The following MID1 variants were observed in gnomAD, a reference collection of about 807,000 sequenced individuals.
MID1 encodes E3 ubiquitin-protein ligase Midline-1.
A neutral mutation model predicts 40.4 loss-of-function variants in MID1; 7 were observed. The ratio of observed to expected loss-of-function variants is 0.17; its 90% confidence interval spans 0.10 to 0.33. The LOEUF (loss-of-function observed/expected upper bound fraction) is 0.33. Among genes scored for constraint, MID1 ranks in the 10% least tolerant of loss-of-function variants. The pLI is 1.00. For missense variants in MID1, 367 were observed against 558.5 expected, an observed-to-expected ratio of 0.66 and a Z score of 3.46; for synonymous variants, 229 against 221.2, an observed-to-expected ratio of 1.04 and a Z score of -0.31.
At chrX:10,652,727 G>A (rs1284127848) in intron 1 of MID1, among the ~76,000 whole-genome samples, 2 of 111,448 alleles carry the variant, frequency 1.8e-5, no homozygotes, top group Admixed American at 9.6e-5. Flanking sequence ...CTGAGGCCCC[G>A]TCAGTTCTTC....
At chrX:10,626,710 A>G (rs1206583896) in intron 1 of MID1, among the ~76,000 whole-genome samples, 1 of 111,649 alleles carries the variant, frequency 9.0e-6, no homozygotes, top group African/African-American at 3.3e-5. Flanking sequence ...AGATAGAAGG[A>G]TCTTGGATTT....
intron 7 of MID1, among the ~76,000 whole-genome samples, chrX:10,462,471 A>ATCTC (rs1294730925): frequency 9.0e-6 from 1 of 111,459 alleles, no homozygotes; most frequent in Non-Finnish European, 1.9e-5. Flanking sequence ...GGCTTTATTC[A>ATCTC]TCTCTTTATG....
chrX:10,553,241 C>CT (rs1339753510), intron 2 of MID1, among the ~76,000 whole-genome samples: 1 of 100,255 alleles, frequency 1.0e-5, no homozygotes, highest in African/African-American at 4.0e-5. Context: ...CAGCGAGACT[C>CT]TATCTAAAAA....
At chrX:10,789,142 G>A (rs181497346) in intron 1 of MID1, among the ~76,000 whole-genome samples, 73 of 111,287 alleles carry the variant, frequency 6.6e-4, no homozygotes, top group African/African-American at 2.3e-3. Context: ...GCAGTGAGCC[G>A]TAATTGCGCT....
intron 1 of MID1, among the ~76,000 whole-genome samples, chrX:10,703,242 T>C (rs1484211408): frequency 1.8e-5 from 2 of 112,674 alleles, no homozygotes; most frequent in Non-Finnish European, 3.7e-5. Context: ...ACCTTTAATC[T>C]TTAAGTATTA....
At chrX:10,795,259 A>C (rs2043960221) in intron 1 of MID1, among the ~76,000 whole-genome samples, 1 of 112,836 alleles carries the variant, frequency 8.9e-6, no homozygotes, top group Non-Finnish European at 1.9e-5. Context: ...AAAGCTAAGA[A>C]AAAAGATCAG....
At chrX:10,583,667 G>T (rs893381662) in intron 1 of MID1, among the ~76,000 whole-genome samples, 1 of 112,279 alleles carries the variant, frequency 8.9e-6, no homozygotes, top group African/African-American at 3.2e-5. Context: ...AGCCAAAAAA[G>T]CAGGAACCAT....
intron 1 of MID1, among the ~76,000 whole-genome samples, chrX:10,774,809 C>T (rs145608583): frequency 0.036 from 4,047 of 111,217 alleles, 191 homozygotes; most frequent in African/African-American, 0.13. Flanking sequence ...CAAAGTCTTT[C>T]GTCAAATTCT....
At chrX:10,691,331 A>G (rs760585862) in intron 1 of MID1, among the ~76,000 whole-genome samples, 1 of 111,772 alleles carries the variant, frequency 8.9e-6, no homozygotes, top group Non-Finnish European at 1.9e-5. Context: ...TGAGGTCAGG[A>G]GTTCGAGACC....
At chrX:10,635,446 ACATTTC>A (rs200540227) in intron 1 of MID1, among the ~76,000 whole-genome samples, 2 of 112,398 alleles carry the variant, frequency 1.8e-5, no homozygotes, top group East Asian at 5.6e-4. Flanking sequence ...GGAAATCTTT[ACATTTC>A]CATCTTTTAC....
In MID1 at chrX:10,565,680, A is replaced by G. The variant is rs182623197; in HGVS notation, c.660+1208T>C. On this transcript the variant is annotated intron_variant, in intron 2 of 9. Coordinates refer to ENST00000317552, the MANE Select transcript of MID1 (RefSeq NM_000381.4). ...TCTAAAATTAGCTGATGAACATAGT[A>G]TCTCACTCAAACTCTCTCAGCTGAG... is the stretch of plus-strand genomic sequence containing the variant. 1.5e-4 allele frequency among the ~76,000 whole-genome samples: 17 copies of G among 111,984 alleles called. No homozygotes were observed. In the East Asian group the frequency reaches 3.9e-3, roughly 26 times the overall value.
At chrX:10,538,758 C>T (rs1933358879) in intron 2 of MID1, among the ~76,000 whole-genome samples, 2 of 111,982 alleles carry the variant, frequency 1.8e-5, no homozygotes, top group South Asian at 7.4e-4. Context: ...TGTTGTTGTT[C>T]CCCCACAACA....
rs144977233 is a variant in MID1, at chrX:10,671,275, T to G, written c.-186-50856A>C. ...AGAGTGTAAGAATTAAAACCATGGATTCTGGAACCAGACTACTTGACTTCA... is the reference window on the plus strand; with the variant it reads ...AGAGTGTAAGAATTAAAACCATGGAGTCTGGAACCAGACTACTTGACTTCA... On this transcript the variant is annotated intron_variant, in intron 1 of 10. Coordinates refer to the MID1 transcript ENST00000380785. Among the ~76,000 whole-genome samples, 6 of 112,204 alleles carry G rather than the reference T, an allele frequency of 5.3e-5. No homozygotes were observed. In the East Asian group the frequency reaches 1.7e-3, roughly 32 times the overall value.
At chrX:10,604,906 A>C (rs1935596898) in intron 1 of MID1, among the ~76,000 whole-genome samples, 1 of 112,843 alleles carries the variant, frequency 8.9e-6, no homozygotes, top group East Asian at 2.8e-4. Flanking sequence ...ACTTATTCAC[A>C]GAGTTGTTTA....
chrX:10,501,344 T>G (rs1417483416), intron 3 of MID1: 3 of 1,027,734 alleles, frequency 2.9e-6, no homozygotes, highest in Non-Finnish European at 3.9e-6. Flanking sequence ...CCCACCAGTA[T>G]GAGAAACTCA....
At chrX:10,775,852 A>T (rs2043799360) in intron 1 of MID1, among the ~76,000 whole-genome samples, 1 of 111,646 alleles carries the variant, frequency 9.0e-6, no homozygotes, top group Non-Finnish European at 1.9e-5. Flanking sequence ...AATCAGTAAT[A>T]GTTTCAAAGG....
At chrX:10,569,698 A>G (rs761868111) in intron 1 of MID1, among the ~76,000 whole-genome samples, 1 of 111,910 alleles carries the variant, frequency 8.9e-6, no homozygotes, top group Non-Finnish European at 1.9e-5. Flanking sequence ...TGATGACTAT[A>G]TTTTTAATGC....
At chrX:10,818,554 C>T (rs1228500594) in intron 1 of MID1, among the ~76,000 whole-genome samples, 1 of 112,330 alleles carries the variant, frequency 8.9e-6, no homozygotes, top group African/African-American at 3.2e-5. Flanking sequence ...GAAGTCTAAA[C>T]AACTTTGAGT....
At position 10,613,143 on chromosome X, in the gene MID1, G is replaced by A. The variant is rs751468090; in HGVS notation, c.-57+7147C>T. Among the ~76,000 whole-genome samples, 21 of 111,078 alleles carry A rather than the reference G, an allele frequency of 1.9e-4. No individual in the cohort carries two copies. The South Asian group carries it at 6.8e-3, about 36-fold the overall frequency. ...TTCCCAGTAACATCCCCCTTCCTCC[G>A]AATTGTTTGGGGAAGACCACTTCTA... On this transcript the variant is annotated intron_variant, in intron 1 of 9. Transcript: ENST00000317552.
Sources: allele counts gnomAD v4.1 joint callset (sites outside exome capture counted in the v4.1 genomes callset), GRCh38; gene constraint gnomAD v4.1.1; transcripts MANE v1.5; gene names NCBI Gene and HGNC (gene_info 2026-07-23, HGNC 2026-07-21).